Variants in FBXL7 observed in about 807,000 individuals in gnomAD.
The protein encoded by FBXL7 is F-box and leucine rich repeat protein 7.
In FBXL7, 12 loss-of-function variants were observed where a neutral mutation model predicts 38.3. The observed-to-expected ratio is 0.31, with a 90% CI of 0.20 to 0.51. The LOEUF (loss-of-function observed/expected upper bound fraction) is 0.51. Among genes scored for constraint, FBXL7 ranks in the 20% least tolerant of loss-of-function variants. FBXL7 has a pLI of 0.98. For synonymous variants in FBXL7, 297 were observed against 300.9 expected, an observed-to-expected ratio of 0.99 and a Z score of 0.13; for missense variants, 567 against 676.4, an observed-to-expected ratio of 0.84 and a Z score of 1.79.
intron 2 of FBXL7, among the ~76,000 whole-genome samples, chr5:15,784,682 G>C (rs74842801): frequency 0.04 from 6,033 of 152,014 alleles, 120 homozygotes; most frequent in African/African-American, 0.048. Flanking sequence ...CCCTGCTCCT[G>C]CTCTCACCAT....
intron 2 of FBXL7, among the ~76,000 whole-genome samples, chr5:15,762,013 G>A (rs1736461856): frequency 6.6e-6 from 1 of 152,198 alleles, no homozygotes; most frequent in Non-Finnish European, 1.5e-5. Flanking sequence ...TTATCTCACA[G>A]TTTCTGTGGG....
At chr5:15,889,017 G>T (rs536215744) in intron 2 of FBXL7, among the ~76,000 whole-genome samples, 3 of 152,114 alleles carry the variant, frequency 2.0e-5, no homozygotes, top group African/African-American at 7.2e-5. Context: ...CTGTGTCCCT[G>T]TAGAAATATC....
At chr5:15,749,027 C>T (rs1469990574) in intron 2 of FBXL7, among the ~76,000 whole-genome samples, 1 of 151,742 alleles carries the variant, frequency 6.6e-6, no homozygotes, top group Non-Finnish European at 1.5e-5. Flanking sequence ...GGCAGATTAC[C>T]TGAGGTCAGG....
At chr5:15,776,490 A>T (rs550590790) in intron 2 of FBXL7, among the ~76,000 whole-genome samples, 6 of 152,166 alleles carry the variant, frequency 3.9e-5, no homozygotes, top group Non-Finnish European at 8.8e-5. Context: ...ATGTTGCTTG[A>T]TAAGGGCTTT....
rs565993487 is a variant in FBXL7, at chr5:15,514,310, A to G, written c.37+13597A>G. Among the ~76,000 whole-genome samples, 12 of 151,740 alleles carry G rather than the reference A, an allele frequency of 7.9e-5. No individual in the cohort carries two copies. In the South Asian group the frequency reaches 1.7e-3, roughly 21 times the overall value. ...TGTTCACTGTAGTGTGTAGATTTAA[A>G]TTTTGCTGTCGCTGAAGATCATCTC... On this transcript the variant is annotated intron_variant, in intron 1 of 3. Transcript: ENST00000504595.
At chr5:15,690,392 T>A (rs189374696) in intron 2 of FBXL7, among the ~76,000 whole-genome samples, 19 of 152,334 alleles carry the variant, frequency 1.2e-4, no homozygotes, top group Admixed American at 2.0e-4. Context: ...CGAAATATTT[T>A]TTTTAATTTT....
intron 2 of FBXL7, among the ~76,000 whole-genome samples, chr5:15,802,160 C>G (rs1373016433): frequency 6.6e-6 from 1 of 152,096 alleles, no homozygotes; most frequent in Non-Finnish European, 1.5e-5. Context: ...CTCACTGTCT[C>G]CTCTGTGACA....
chr5:15,568,616 G>T (rs1415889022), intron 1 of FBXL7, among the ~76,000 whole-genome samples: 38 of 151,496 alleles, frequency 2.5e-4, no homozygotes, highest in African/African-American at 9.2e-4. Flanking sequence ...TGTCAATTTT[G>T]GCTTTTGTTG....
Position 15,768,013 on chromosome 5 carries a change from A to G in FBXL7, c.127+151941A>G, listed in dbSNP as rs565111458. 9.8e-5 allele frequency among the ~76,000 whole-genome samples: 15 copies of G among 152,322 alleles called. No individual in the cohort carries two copies. In the South Asian group the frequency reaches 2.9e-3, roughly 29 times the overall value. ...GTCATGATTTTATCTCTTCAACTTC[A>G]TAATAATAGTATTTGAAATATATAC... On this transcript the variant is annotated intron_variant, in intron 2 of 3. Transcript: ENST00000504595.
At position 15,797,384 on chromosome 5, in the gene FBXL7, G is replaced by C. The variant is rs147167761; in HGVS notation, c.128-130506G>C. ...TGACACCTGTTTCTGCCTGTGGTTT[G>C]AAAGTGCTTGGCTTCAGAACTGGGC... On this transcript the variant is annotated intron_variant, in intron 2 of 3. Transcript: ENST00000504595. Among the ~76,000 whole-genome samples the C allele has an allele frequency of 1.7e-4, 26 of 152,358 alleles. No homozygotes were observed. The East Asian group carries it at 5.0e-3, about 29-fold the overall frequency.
At chr5:15,563,038 C>T (rs1738461706) in intron 1 of FBXL7, among the ~76,000 whole-genome samples, 1 of 152,082 alleles carries the variant, frequency 6.6e-6, no homozygotes, top group Admixed American at 6.6e-5. Context: ...ATCTTTTCTT[C>T]TGCTGATAGA....
At chr5:15,612,646 G>A (rs1254652631) in intron 1 of FBXL7, among the ~76,000 whole-genome samples, 3 of 152,080 alleles carry the variant, frequency 2.0e-5, no homozygotes, top group Non-Finnish European at 4.4e-5. Flanking sequence ...ATGTTTAAAG[G>A]AAGGCGCTCT....
At chr5:15,808,918 C>T (rs1430812983) in intron 2 of FBXL7, among the ~76,000 whole-genome samples, 1 of 152,152 alleles carries the variant, frequency 6.6e-6, no homozygotes, top group African/African-American at 2.4e-5. Context: ...TATATCATTT[C>T]GCCCATCCTG....
chr5:15,622,956 T>C (rs1400539151), intron 2 of FBXL7, among the ~76,000 whole-genome samples: 1 of 151,974 alleles, frequency 6.6e-6, no homozygotes, highest in East Asian at 1.9e-4. Context: ...CCCCCCACTT[T>C]GGCTTCCCAA....
intron 2 of FBXL7, among the ~76,000 whole-genome samples, chr5:15,621,840 C>T (rs1344148824): frequency 1.3e-5 from 2 of 152,182 alleles, no homozygotes; most frequent in African/African-American, 4.8e-5. Flanking sequence ...AACCAGACAA[C>T]AATGCAGCCA....
intron 1 of FBXL7, among the ~76,000 whole-genome samples, chr5:15,604,365 T>C (rs1739924076): frequency 6.6e-6 from 1 of 152,172 alleles, no homozygotes; most frequent in Non-Finnish European, 1.5e-5. Context: ...TTTTATTTTA[T>C]TTTATTTGAG....
At chr5:15,561,181 A>C (rs1738405689) in intron 1 of FBXL7, among the ~76,000 whole-genome samples, 1 of 152,174 alleles carries the variant, frequency 6.6e-6, no homozygotes, top group Non-Finnish European at 1.5e-5. Flanking sequence ...TCTAGACTTC[A>C]TCTGCTATAA....
chr5:15,667,978 G>T (rs1469068890), intron 2 of FBXL7, among the ~76,000 whole-genome samples: 3 of 152,060 alleles, frequency 2.0e-5, no homozygotes, highest in African/African-American at 7.2e-5. Context: ...CTCTTCATAG[G>T]TTGCTGGAAG....
At chr5:15,725,258 TATA>T (rs1744311539) in intron 2 of FBXL7, among the ~76,000 whole-genome samples, 1 of 152,222 alleles carries the variant, frequency 6.6e-6, no homozygotes, top group Non-Finnish European at 1.5e-5. Flanking sequence ...TATTTTTTAA[TATA>T]AGCATTTATA....
Sources: gnomAD v4.1 joint callset for allele counts (sites outside exome capture counted in the v4.1 genomes callset) on GRCh38, gnomAD v4.1.1 for gene constraint, MANE v1.5 for transcripts, NCBI Gene and HGNC (gene_info 2026-07-23, HGNC 2026-07-21) for gene names.